The following TAFA1 variants were observed in gnomAD, a reference collection of about 807,000 sequenced individuals.
The protein encoded by TAFA1 is TAFA chemokine like family member 1.
TAFA1 carries 4 observed loss-of-function variants against 18.5 expected under a neutral mutation model. The ratio of observed to expected loss-of-function variants is 0.22; its 90% CI spans 0.11 to 0.49. TAFA1 has a LOEUF of 0.49. TAFA1 is among the 20% of genes least tolerant of loss of function. The probability of loss-of-function intolerance (pLI) is 0.98; values close to 1 mark genes in which losing one functional copy is unlikely to be tolerated. For missense variants in TAFA1, 147 were observed against 169.0 expected (o/e 0.87, Z 0.72); for synonymous variants, 56 against 55.2 (o/e 1.01, Z -0.06).
chr3:68,224,696 T>C (rs1216333419), intron 2 of TAFA1, among the ~76,000 whole-genome samples: 2 of 152,122 alleles, frequency 1.3e-5, no homozygotes, highest in Non-Finnish European at 2.9e-5. Flanking sequence ...TTCATTGCTC[T>C]GGGCCTCAGT....
At chr3:68,211,105 A>G (rs757824523) in intron 2 of TAFA1, among the ~76,000 whole-genome samples, 1 of 152,034 alleles carries the variant, frequency 6.6e-6, no homozygotes, top group Non-Finnish European at 1.5e-5. Flanking sequence ...CCAAGAGAGA[A>G]CAAGGCAGCC....
At chr3:68,220,979 G>A (rs1358991550) in intron 2 of TAFA1, among the ~76,000 whole-genome samples, 2 of 152,078 alleles carry the variant, frequency 1.3e-5, no homozygotes, top group Non-Finnish European at 2.9e-5. Flanking sequence ...TATGTTCCCA[G>A]AAACAGAATG....
chr3:68,094,932 T>C (rs2065070497), intron 2 of TAFA1, among the ~76,000 whole-genome samples: 1 of 152,192 alleles, frequency 6.6e-6, no homozygotes, highest in Admixed American at 6.5e-5. Context: ...GTTGGTCATT[T>C]TTCTCTGATT....
intron 3 of TAFA1, among the ~76,000 whole-genome samples, chr3:68,482,878 T>C (rs938913168): frequency 2.6e-5 from 4 of 152,172 alleles, no homozygotes; most frequent in African/African-American, 9.7e-5. Flanking sequence ...AGAAACTAGA[T>C]TCTGTTGACA....
At position 68,190,715 on chromosome 3, in the gene TAFA1, G is replaced by A. The variant is rs561094630; in HGVS notation, c.118+183971G>A. 6.6e-5 allele frequency among the ~76,000 whole-genome samples: 10 copies of A among 151,918 alleles called. No homozygotes were observed. The South Asian group carries it at 2.1e-3, about 32-fold the overall frequency. On this transcript the variant is annotated intron_variant, in intron 2 of 4. Transcript: ENST00000478136. The stretch of plus-strand genomic sequence containing the variant: ...AATAAAGGTATGTGTTTTGGGAGGA[G>A]TTTGTGAGAACAGAATAGGAAATAC...
intron 3 of TAFA1, among the ~76,000 whole-genome samples, chr3:68,513,285 T>C (rs2072876015): frequency 6.6e-6 from 1 of 152,130 alleles, no homozygotes; most frequent in Admixed American, 6.6e-5. Context: ...GTAGATAGAA[T>C]GATCTGCTGT....
rs2072936458 is a variant in TAFA1 at position 68,517,232 on chromosome 3, A to C, written c.260-21524A>C. ...CACCTTAGGAAGACAATAGTGTCTAACTATAATCAGTAATCTTTTTATTGT... is the reference window on the plus strand; with the variant it reads ...CACCTTAGGAAGACAATAGTGTCTACCTATAATCAGTAATCTTTTTATTGT... On this transcript the variant is annotated intron_variant, in intron 3 of 4. Transcript: ENST00000478136. Among the ~76,000 whole-genome samples the C allele has an allele frequency of 2.0e-5, 3 of 152,256 alleles. No homozygotes were observed. The South Asian group carries it at 6.2e-4, about 32-fold the overall frequency.
At chr3:68,120,286 G>T (rs2065383872) in intron 2 of TAFA1, among the ~76,000 whole-genome samples, 1 of 141,242 alleles carries the variant, frequency 7.1e-6, no homozygotes, top group Admixed American at 7.7e-5. Flanking sequence ...GTCTCATTCT[G>T]TTGCCCAGGC....
chr3:68,423,649 C>G (rs1251794678), intron 3 of TAFA1, among the ~76,000 whole-genome samples: 1 of 151,896 alleles, frequency 6.6e-6, no homozygotes, highest in Non-Finnish European at 1.5e-5. Flanking sequence ...TCTTTCAGTG[C>G]TTTTATTTTT....
In TAFA1 at chr3:68,324,800, C is replaced by G. The variant is rs141748699; in HGVS notation, c.119-92480C>G. ...ATCTTATTTTTATAAGTAGGTAGGA[C>G]AAACGAAGTGGAGCTAAAGCAGTAA... On this transcript the variant is annotated intron_variant, in intron 2 of 4. Transcript: ENST00000478136. Among the ~76,000 whole-genome samples, 379 of 152,228 alleles carry G rather than the reference C, an allele frequency of 2.5e-3. 2 individuals are homozygous for G. The highest frequency in any genetic ancestry group is 6.6e-3 in the South Asian group (32 of 4,818).
intron 2 of TAFA1, among the ~76,000 whole-genome samples, chr3:68,243,700 T>C (rs536516141): frequency 3.3e-5 from 5 of 152,250 alleles, no homozygotes; most frequent in African/African-American, 9.6e-5. Flanking sequence ...CATTCACCCA[T>C]TGAAGGACAT....
At chr3:68,310,277 T>A (rs2068492946) in intron 2 of TAFA1, among the ~76,000 whole-genome samples, 1 of 152,200 alleles carries the variant, frequency 6.6e-6, no homozygotes, top group Admixed American at 6.5e-5. Flanking sequence ...GTAGTTTTTG[T>A]TTAATTTTTA....
At chr3:68,192,924 A>T (rs552682849) in intron 2 of TAFA1, among the ~76,000 whole-genome samples, 25 of 151,814 alleles carry the variant, frequency 1.6e-4, no homozygotes, top group African/African-American at 6.0e-4. Flanking sequence ...GAGTGTGGAA[A>T]TGTGTCCATA....
At chr3:68,138,645 A>C (rs2065635208) in intron 2 of TAFA1, among the ~76,000 whole-genome samples, 1 of 152,214 alleles carries the variant, frequency 6.6e-6, no homozygotes, top group Non-Finnish European at 1.5e-5. Flanking sequence ...GGAACATGAG[A>C]CAAGTTATTT....
chr3:68,392,724 C>CA (rs1415554924), intron 2 of TAFA1, among the ~76,000 whole-genome samples: 1 of 152,310 alleles, frequency 6.6e-6, no homozygotes, highest in East Asian at 1.9e-4. Context: ...CACTCAACTA[C>CA]ATGGAAACTG....
intron 2 of TAFA1, among the ~76,000 whole-genome samples, chr3:68,373,236 A>C (rs1362047807): frequency 6.6e-6 from 1 of 152,216 alleles, no homozygotes; most frequent in Admixed American, 6.5e-5. Flanking sequence ...CTACTATATA[A>C]GGAACACCTA....
chr3:68,192,848 C>A (rs1478080902), intron 2 of TAFA1, among the ~76,000 whole-genome samples: 1 of 151,550 alleles, frequency 6.6e-6, no homozygotes, highest in Non-Finnish European at 1.5e-5. Context: ...CAGCTGAGAC[C>A]TGAAACTTGA....
At chr3:68,156,733 TTAA>T (rs142319296) in intron 2 of TAFA1, among the ~76,000 whole-genome samples, 1 of 151,454 alleles carries the variant, frequency 6.6e-6, no homozygotes, top group Admixed American at 6.6e-5. Flanking sequence ...CTTTATAATA[TTAA>T]TAATAACTAT....
At chr3:68,292,661 G>A (rs1381459615) in intron 2 of TAFA1, among the ~76,000 whole-genome samples, 1 of 152,038 alleles carries the variant, frequency 6.6e-6, no homozygotes, top group Non-Finnish European at 1.5e-5. Context: ...CAAGTAGGTG[G>A]GACTTCAGGT....
Sources: allele counts gnomAD v4.1 joint callset (sites outside exome capture counted in the v4.1 genomes callset), GRCh38; gene constraint gnomAD v4.1.1; transcripts MANE v1.5; gene names NCBI Gene and HGNC (gene_info 2026-07-23, HGNC 2026-07-21).